WDFY2: variants seen among roughly 807,000 people sequenced by gnomAD.
WDFY2 encodes WD repeat and FYVE domain-containing protein 2.
In WDFY2, 36 loss-of-function variants were observed where a neutral mutation model predicts 56.4. That is an observed-to-expected ratio of 0.64 (90% CI 0.49 to 0.84). The LOEUF is 0.84. Ranked by LOEUF, WDFY2 falls within the 40% of genes least tolerant of loss-of-function variation. WDFY2 has a pLI of 0.00. For synonymous variants in WDFY2, 176 were observed against 183.7 expected (o/e 0.96, Z 0.34); for missense variants, 444 against 512.2 (o/e 0.87, Z 1.29).
chr13:51,751,561 T>G (rs935273727), intron 8 of WDFY2, 146 bp downstream of exon 8: 2 of 706,742 alleles, frequency 2.8e-6, no homozygotes, highest in South Asian at 1.7e-5. Flanking sequence ...GTTTGGGTTG[T>G]TTTTTTTTTC....
intron 2 of WDFY2, among the ~76,000 whole-genome samples, chr13:51,674,806 A>G (rs530399854): frequency 1.2e-3 from 179 of 152,272 alleles, no homozygotes; most frequent in African/African-American, 3.4e-3. Flanking sequence ...GGTTATTTCT[A>G]TTTAAGATGG....
chr13:51,652,389 A>T (rs1377118777), intron 1 of WDFY2, among the ~76,000 whole-genome samples: 2 of 152,188 alleles, frequency 1.3e-5, no homozygotes, highest in Non-Finnish European at 2.9e-5. Context: ...TAATTGGAGC[A>T]TTTAGCCCAT....
intron 1 of WDFY2, among the ~76,000 whole-genome samples, chr13:51,640,403 A>G (rs1302245587): frequency 2.6e-5 from 4 of 152,216 alleles, no homozygotes; most frequent in African/African-American, 7.2e-5. Context: ...TATTTCATGC[A>G]TCTACTCCTT....
chr13:51,654,508 G>T (rs759167972), intron 1 of WDFY2, among the ~76,000 whole-genome samples: 3 of 152,180 alleles, frequency 2.0e-5, no homozygotes, highest in African/African-American at 4.8e-5. Flanking sequence ...GGTAGGAGCT[G>T]TAGACTGGAG....
chr13:51,766,679 C>T lies in WDFY2; in HGVS notation c.*6910C>T, dbSNP rs1476546283. The stretch of plus-strand genomic sequence containing the variant: ...GAATATTGTGAATGTTTTTACTCCG[C>T]TCACTTTCCCACTGTGCTTTCCTCT... On this transcript the variant is annotated 3_prime_UTR_variant, in exon 12 of 12. Coordinates refer to ENST00000298125, the MANE Select transcript of WDFY2 (RefSeq NM_052950.4). 3 of 152,286 alleles carry T rather than the reference C, an allele frequency of 2.0e-5. No individual in the cohort carries two copies. Among genetic ancestry groups the T allele is most frequent in the Non-Finnish European group, 2.9e-5 (2 of 68,054 alleles). The allele number at this position is 152,286 out of a possible 1,614,324, so 9.4% of individuals were successfully genotyped here.
At chr13:51,735,139 C>T (rs946641806) in intron 6 of WDFY2, among the ~76,000 whole-genome samples, 1 of 152,214 alleles carries the variant, frequency 6.6e-6, no homozygotes, top group Non-Finnish European at 1.5e-5. Context: ...CAGCTCTCCC[C>T]ACTGCATCTC....
chr13:51,623,224 A>T (rs1954773599), intron 1 of WDFY2, among the ~76,000 whole-genome samples: 1 of 122,658 alleles, frequency 8.2e-6, no homozygotes, highest in South Asian at 2.8e-4. Context: ...AATTTTTCTA[A>T]AAAAAAAAAT....
intron 1 of WDFY2, among the ~76,000 whole-genome samples, chr13:51,641,884 A>G (rs1028488229): frequency 1.3e-5 from 2 of 151,824 alleles, no homozygotes; most frequent in African/African-American, 4.8e-5. Flanking sequence ...GGATATCAGG[A>G]AAATGGGAGT....
chr13:51,718,056 G>A (rs1461146189), intron 4 of WDFY2, among the ~76,000 whole-genome samples: 3 of 152,234 alleles, frequency 2.0e-5, no homozygotes, highest in Non-Finnish European at 2.9e-5. Context: ...AAGACATTCA[G>A]AAATTGGCAG....
chr13:51,586,084 A>G, intron 1 of WDFY2: 1 of 398,612 alleles, frequency 2.5e-6, no homozygotes, highest in East Asian at 3.6e-5. Flanking sequence ...TGAACAGAAG[A>G]AATTCATGGC....
chr13:51,732,009 T>C (rs1310398677), intron 6 of WDFY2, among the ~76,000 whole-genome samples: 1 of 152,270 alleles, frequency 6.6e-6, no homozygotes, highest in South Asian at 2.1e-4. Context: ...TATGTTCTTA[T>C]GCTCCCTCTA....
At chr13:51,683,913 G>A (rs1418833530) in intron 3 of WDFY2, among the ~76,000 whole-genome samples, 3 of 152,122 alleles carry the variant, frequency 2.0e-5, no homozygotes, top group Non-Finnish European at 4.4e-5. Context: ...GTGGAAACCT[G>A]AGTAGTTTTT....
At chr13:51,725,249 A>G (rs1312188746) in intron 5 of WDFY2, among the ~76,000 whole-genome samples, 1 of 152,240 alleles carries the variant, frequency 6.6e-6, no homozygotes, top group African/African-American at 2.4e-5. Context: ...AATACTAAAT[A>G]ACAATAAGAC....
At chr13:51,654,038 G>T (rs1955458903) in intron 1 of WDFY2, among the ~76,000 whole-genome samples, 2 of 152,240 alleles carry the variant, frequency 1.3e-5, no homozygotes, top group African/African-American at 2.4e-5. Context: ...TCCTTGAGCT[G>T]TGGTGGGCTT....
At position 51,689,542 on chromosome 13, in the gene WDFY2, C is replaced by A. The variant is rs1183680187; in HGVS notation, c.280-14054C>A. ...ACGCTTCCATGTAGTATGACATATG[C>A]CCATCTTAGAAATGTGACATGGGGT... is the stretch of plus-strand genomic sequence containing the variant. On this transcript the variant is annotated intron_variant, in intron 3 of 11. Transcript: ENST00000298125. Among the ~76,000 whole-genome samples, 5 of 152,186 alleles carry A rather than the reference C, an allele frequency of 3.3e-5. No homozygotes were observed. In the East Asian group the frequency reaches 9.7e-4, roughly 29 times the overall value.
chr13:51,704,185 C>G (rs1952040302), intron 4 of WDFY2, among the ~76,000 whole-genome samples: 1 of 152,200 alleles, frequency 6.6e-6, no homozygotes, highest in Admixed American at 6.5e-5. Flanking sequence ...CTCCAATTCT[C>G]TTGACTCGCC....
At chr13:51,642,204 T>C (rs1261633915) in intron 1 of WDFY2, among the ~76,000 whole-genome samples, 2 of 152,188 alleles carry the variant, frequency 1.3e-5, no homozygotes, top group African/African-American at 2.4e-5. Flanking sequence ...TATTAAGAGA[T>C]TGCTTTTCAT....
At chr13:51,658,555 G>C (rs1175777328) in intron 1 of WDFY2, among the ~76,000 whole-genome samples, 1 of 152,240 alleles carries the variant, frequency 6.6e-6, no homozygotes, top group Non-Finnish European at 1.5e-5. Flanking sequence ...AGTTGATTTA[G>C]TGGAGGGACT....
At chr13:51,615,270 T>C (rs916038934) in intron 1 of WDFY2, among the ~76,000 whole-genome samples, 2 of 151,776 alleles carry the variant, frequency 1.3e-5, no homozygotes, top group African/African-American at 2.4e-5. Flanking sequence ...ATAAAAAATA[T>C]GGACAGGTAG....
Sources: allele counts gnomAD v4.1 joint callset (sites outside exome capture counted in the v4.1 genomes callset), GRCh38; gene constraint gnomAD v4.1.1; transcripts MANE v1.5; gene names NCBI Gene and HGNC (gene_info 2026-07-23, HGNC 2026-07-21).